Variants in ZNF674 observed in about 807,000 individuals in gnomAD.
ZNF674 encodes the protein zinc finger protein 674.
A neutral mutation model predicts 7.0 loss-of-function variants in ZNF674; 2 were observed. The ratio of observed to expected loss-of-function variants is 0.29; its 90% CI spans 0.12 to 0.90. The LOEUF is 0.90. ZNF674 is among the 40% of genes least tolerant of loss of function. The pLI, the probability that ZNF674 is intolerant of heterozygous loss-of-function variation, is 0.57. For synonymous variants in ZNF674, 103 were observed against 145.2 expected (o/e 0.71, Z 2.09); for missense variants, 297 against 415.5 (o/e 0.71, Z 2.48).
intron 5 of ZNF674, among the ~76,000 whole-genome samples, chrX:46,526,274 C>G (rs1043877948): frequency 9.0e-6 from 1 of 111,562 alleles, no homozygotes; most frequent in African/African-American, 3.3e-5. Context: ...AGACACATCT[C>G]TGTTCAACTG....
chrX:46,522,313 G>A (rs1249511195), intron 5 of ZNF674, among the ~76,000 whole-genome samples: 1 of 109,885 alleles, frequency 9.1e-6, no homozygotes, highest in African/African-American at 3.3e-5. Context: ...GTAAAATAAT[G>A]GCAGTATTAT....
At chrX:46,502,466 G>A (rs984846152) in intron 5 of ZNF674, among the ~76,000 whole-genome samples, 3 of 110,467 alleles carry the variant, frequency 2.7e-5, no homozygotes, top group Non-Finnish European at 5.7e-5. Flanking sequence ...ACAAAGATAA[G>A]GTAAGAACTA....
rs757404787 is a variant in ZNF674 at position 46,498,218 on chromosome X, C to G, written c.*1625G>C. 11 of 111,544 alleles carry G rather than the reference C, an allele frequency of 9.9e-5. No individual in the cohort carries two copies. The East Asian group carries it at 1.7e-3, about 17-fold the overall frequency. The allele number at this position is 111,544 out of a possible 1,213,427, so 9.2% of individuals were successfully genotyped here. A position where few individuals can be genotyped will look rare whatever the true frequency, so the allele number is the denominator to read the frequency against. On this transcript the variant is annotated 3_prime_UTR_variant, in exon 6 of 6. Transcript: ENST00000683375. ...CATCTATCATTGGATATTAAATTGT[C>G]TTATTTTTTCACTACTTTAAATAAT... is the stretch of plus-strand genomic sequence containing the variant.
intron 3 of ZNF674, among the ~76,000 whole-genome samples, chrX:46,538,088 CA>C (rs11335113): frequency 0.29 from 27,566 of 95,515 alleles, 3,031 homozygotes; most frequent in Middle Eastern, 0.39. Flanking sequence ...GACTCCATCT[CA>C]AAAAAAAAAA....
chrX:46,528,250 G>A (rs895947211), intron 5 of ZNF674, 100 bp downstream of exon 5: 14 of 839,884 alleles, frequency 1.7e-5, no homozygotes, highest in African/African-American at 1.6e-4. Flanking sequence ...CCACAAGTCC[G>A]AGGCTCTGAG....
chrX:46,543,171 C>T (rs1009101424), intron 2 of ZNF674, among the ~76,000 whole-genome samples: 5 of 110,897 alleles, frequency 4.5e-5, no homozygotes, highest in Non-Finnish European at 7.6e-5. Flanking sequence ...TCAGGCTGGC[C>T]TCAAACTCCT....
intron 5 of ZNF674, among the ~76,000 whole-genome samples, chrX:46,524,020 C>T (rs112450289): frequency 9.6e-6 from 1 of 104,438 alleles, no homozygotes; most frequent in Non-Finnish European, 1.9e-5. Flanking sequence ...CCAGCCTGGG[C>T]GACAAGAGCA....
At chrX:46,525,615 C>CAAA (rs1194779627) in intron 5 of ZNF674, among the ~76,000 whole-genome samples, 1 of 86,754 alleles carries the variant, frequency 1.2e-5, no homozygotes, top group Non-Finnish European at 2.3e-5. Context: ...AACTCCTTCT[C>CAAA]AAAAAAAAAA....
At chrX:46,531,959 G>A (rs1421108172) in intron 3 of ZNF674, among the ~76,000 whole-genome samples, 1 of 111,956 alleles carries the variant, frequency 8.9e-6, no homozygotes, top group East Asian at 2.8e-4. Flanking sequence ...GAGGTCAGGA[G>A]TTCGAGACCA....
chrX:46,500,786 A>T lies in ZNF674; in HGVS notation c.788T>A (p.Ile263Lys). ...AKAFSQKSTL[I>K]AHQRTHTGEK... is the part of the protein sequence containing the mutation. ...CCCTGTGTGAGTTCTCTGGTGTGCT[A>T]TGAGGGTTGACTTCTGGCTGAAGGC... is the stretch of plus-strand genomic sequence containing the variant. Residue 263 changes from isoleucine to lysine, a missense_variant, in exon 6 of 6, where the codon ATA (isoleucine) becomes AAA (lysine). By Grantham distance (102) the Ile-to-Lys change is moderately radical. Transcript: ENST00000683375. 8.3e-7 allele frequency: 1 copy of T among 1,199,060 alleles called. No individual in the cohort carries two copies. Among genetic ancestry groups the T allele is most frequent in the South Asian group, 1.8e-5 (1 of 55,839 alleles).
chrX:46,544,823 G>A (rs66834763), intron 1 of ZNF674, among the ~76,000 whole-genome samples: 5,973 of 111,441 alleles, frequency 0.054, 391 homozygotes, highest in African/African-American at 0.18. Flanking sequence ...CAACTGACTG[G>A]CTGCTGTGCC....
intron 3 of ZNF674, among the ~76,000 whole-genome samples, chrX:46,534,891 C>T (rs767133098): frequency 2.7e-5 from 3 of 109,629 alleles, no homozygotes; most frequent in Non-Finnish European, 3.8e-5. Flanking sequence ...CAGGCACCCG[C>T]CACCATACCC....
chrX:46,525,384 C>G, intron 5 of ZNF674: 1 of 221,731 alleles, frequency 4.5e-6, no homozygotes, highest in Non-Finnish European at 8.5e-6. Flanking sequence ...AGGCAGATCA[C>G]CTGAGGCTGG....
At chrX:46,519,267 G>A (rs868643270) in intron 5 of ZNF674, among the ~76,000 whole-genome samples, 2 of 61,093 alleles carry the variant, frequency 3.3e-5, no homozygotes, top group African/African-American at 7.2e-5. Context: ...GATAGATAAA[G>A]ATAGATGATA....
At chrX:46,501,450 G>C (rs1941427955) in intron 5 of ZNF674, 115 bp from the exon 6 acceptor site, 2 of 689,366 alleles carry the variant, frequency 2.9e-6, no homozygotes, top group Non-Finnish European at 4.3e-6. Context: ...AGCTGATGTG[G>C]ATGGAGGACC....
In ZNF674 at chrX:46,499,099, T is replaced by C. The variant is rs921005510; in HGVS notation, c.*744A>G. ...GAGTTCAAGACCAGCCTGGGCAACATAGCAAGACCCTGTCTCTATTAATAA... is the reference window on the plus strand; with the variant it reads ...GAGTTCAAGACCAGCCTGGGCAACACAGCAAGACCCTGTCTCTATTAATAA... On this transcript the variant is annotated 3_prime_UTR_variant, in exon 6 of 6. Coordinates refer to ENST00000683375, the MANE Select transcript of ZNF674 (RefSeq NM_001190417.2). The C allele has an allele frequency of 2.7e-5, 3 of 111,698 alleles. No homozygotes were observed. Among genetic ancestry groups the C allele is most frequent in the African/African-American group, 3.2e-5 (1 of 30,811 alleles). The allele number at this position is 111,698 out of a possible 1,213,427, so 9.2% of individuals were successfully genotyped here.
At chrX:46,505,070 A>G (rs184249895) in intron 5 of ZNF674, among the ~76,000 whole-genome samples, 93 of 109,833 alleles carry the variant, frequency 8.5e-4, no homozygotes, top group Admixed American at 2.0e-3. Context: ...TTGTATTTTT[A>G]GTAGAGACGG....
At chrX:46,528,525 G>T in intron 4 of ZNF674, 80 bp from the exon 5 acceptor site, 1 of 1,076,995 alleles carries the variant, frequency 9.3e-7, no homozygotes, top group Admixed American at 2.2e-5. Context: ...GCAGGCTGAA[G>T]GTGGCACGGC....
At chrX:46,537,486 G>A (rs1942221557) in intron 3 of ZNF674, among the ~76,000 whole-genome samples, 1 of 111,881 alleles carries the variant, frequency 8.9e-6, no homozygotes, top group African/African-American at 3.2e-5. Flanking sequence ...AACAGAAAGG[G>A]AGGAATGAAA....
Sources: allele counts gnomAD v4.1 joint callset (sites outside exome capture counted in the v4.1 genomes callset), GRCh38; gene constraint gnomAD v4.1.1; transcripts MANE v1.5; gene names NCBI Gene and HGNC (gene_info 2026-07-23, HGNC 2026-07-21).